The following FHOD3 variants were observed in gnomAD, a reference collection of about 807,000 sequenced individuals.
The protein encoded by FHOD3 is formin homology 2 domain containing 3, also known as FH1/FH2 domain-containing protein 3.
In FHOD3, 90 loss-of-function variants were observed where a neutral mutation model predicts 173.0. The ratio of observed to expected loss-of-function variants is 0.52; its 90% CI spans 0.44 to 0.62. The LOEUF (loss-of-function observed/expected upper bound fraction) is 0.62, where lower values mean the gene tolerates loss of function less well. Ranked by LOEUF, FHOD3 falls within the 20% of genes least tolerant of loss-of-function variation. FHOD3 has a pLI of 0.00. For missense variants in FHOD3, 1,945 were observed against 2,034.7 expected, an observed-to-expected ratio of 0.96 and a Z score of 0.85; for synonymous variants, 828 against 823.0, an observed-to-expected ratio of 1.01 and a Z score of -0.10.
At chr18:36,655,745 CCACACA>C (rs60138204) in intron 13 of FHOD3, among the ~76,000 whole-genome samples, 27,992 of 137,846 alleles carry the variant, frequency 0.2, 2,832 homozygotes, top group East Asian at 0.25. Flanking sequence ...CCCTCACCCT[CCACACA>C]CACACACACA....
intron 14 of FHOD3, among the ~76,000 whole-genome samples, chr18:36,662,799 G>A (rs2036901475): frequency 6.6e-6 from 1 of 152,130 alleles, no homozygotes; most frequent in Non-Finnish European, 1.5e-5. Context: ...TGTTATGTAG[G>A]AGAGCTCTGG....
intron 1 of FHOD3, among the ~76,000 whole-genome samples, chr18:36,335,773 A>C (rs2045277344): frequency 6.6e-6 from 1 of 152,150 alleles, no homozygotes; most frequent in South Asian, 2.1e-4. Context: ...AAGTGTGCAG[A>C]AACTTGGGTG....
At chr18:36,338,077 G>C (rs1034140105) in intron 1 of FHOD3, among the ~76,000 whole-genome samples, 3 of 152,216 alleles carry the variant, frequency 2.0e-5, no homozygotes, top group African/African-American at 7.2e-5. Flanking sequence ...CAATTACACT[G>C]CTGGTTTCAT....
At chr18:36,534,361 T>C (rs1157341483) in intron 5 of FHOD3, among the ~76,000 whole-genome samples, 1 of 151,982 alleles carries the variant, frequency 6.6e-6, no homozygotes, top group Non-Finnish European at 1.5e-5. Context: ...ACAGGGTGAG[T>C]CTGAGAGGAT....
Position 36,625,631 on chromosome 18 carries a change from A to G in FHOD3, c.1078A>G (p.Arg360Gly). The change falls in exon 10 of 29, where the codon AGA becomes GGA. Residue 360 changes from arginine to glycine, a missense_variant. Transcript: ENST00000590592. ...AGGCGAGCACCGGGGCCTGGACCGC[A>G]GAAGGAGCCGCAGGCACTCGGTGCA... ...GGGEHRGLDR[R>G]RSRRHSVQSI... 6.2e-7 allele frequency: 1 copy of G among 1,606,478 alleles called. No homozygotes were observed. The highest frequency in any genetic ancestry group is 8.5e-7 in the Non-Finnish European group (1 of 1,175,448).
At chr18:36,655,035 G>C (rs922504946) in intron 13 of FHOD3, among the ~76,000 whole-genome samples, 2 of 148,058 alleles carry the variant, frequency 1.4e-5, no homozygotes, top group African/African-American at 5.0e-5. Flanking sequence ...TGTGAACTGA[G>C]CTTCTTTTTT....
chr18:36,460,029 G>A (rs909126403), intron 3 of FHOD3, among the ~76,000 whole-genome samples: 8 of 152,250 alleles, frequency 5.3e-5, no homozygotes, highest in Non-Finnish European at 1.0e-4. Context: ...AGTGTCCCTC[G>A]ATTGTGATTT....
At chr18:36,616,210 T>A (rs1304533932) in intron 9 of FHOD3, among the ~76,000 whole-genome samples, 1 of 152,212 alleles carries the variant, frequency 6.6e-6, no homozygotes, top group Non-Finnish European at 1.5e-5. Context: ...GATATTTCCT[T>A]CCCTTAGCCC....
chr18:36,618,244 C>G (rs1599894455), intron 9 of FHOD3, among the ~76,000 whole-genome samples: 1 of 139,392 alleles, frequency 7.2e-6, no homozygotes, highest in Admixed American at 7.3e-5. Context: ...TAATTGATTT[C>G]TTTTCATCTT....
intron 18 of FHOD3, chr18:36,711,486 G>T (rs915554181): frequency 8.5e-5 from 13 of 152,164 alleles, no homozygotes; most frequent in African/African-American, 3.1e-4. Flanking sequence ...TTGCATAATT[G>T]TCCTTTGTCT....
chr18:36,382,109 C>T (rs1290971235), intron 3 of FHOD3, among the ~76,000 whole-genome samples: 4 of 152,168 alleles, frequency 2.6e-5, no homozygotes, highest in African/African-American at 7.2e-5. Context: ...TTTGAGATAG[C>T]GACCTGATGC....
chr18:36,556,380 A>G (rs1007608486), intron 5 of FHOD3, among the ~76,000 whole-genome samples: 1 of 152,182 alleles, frequency 6.6e-6, no homozygotes, highest in Non-Finnish European at 1.5e-5. Flanking sequence ...TGAAACCCAC[A>G]TGGAGAGAGG....
rs1035357717 is a variant in FHOD3 at position 36,652,782 on chromosome 18, C to A, written c.1499C>A (p.Ser500Tyr). Residue 500 changes from serine (S) to tyrosine (Y), a missense_variant, in exon 12 of 29, where the codon TCC (serine) becomes TAC (tyrosine). By Grantham distance (144) the Ser-to-Tyr change is moderately radical. Transcript: ENST00000590592. ...SPPASAARPS[S>Y]ATPGSLKVSP... ...CCTGCCTCAGCTGCTCGGCCCTCCTCCGCCACACCAGGCTCCCTGAAGGTG... is the reference window on the plus strand; with the variant it reads ...CCTGCCTCAGCTGCTCGGCCCTCCTACGCCACACCAGGCTCCCTGAAGGTG... 1 of 1,536,028 alleles carries A rather than the reference C, an allele frequency of 6.5e-7. No homozygotes were observed.
intron 3 of FHOD3, among the ~76,000 whole-genome samples, chr18:36,430,546 T>C (rs534990375): frequency 6.6e-6 from 1 of 152,360 alleles, no homozygotes; most frequent in East Asian, 1.9e-4. Flanking sequence ...TAAAAATGTT[T>C]AATTCCTGCA....
At chr18:36,545,970 TAG>T (rs2057394722) in intron 5 of FHOD3, among the ~76,000 whole-genome samples, 1 of 152,246 alleles carries the variant, frequency 6.6e-6, no homozygotes, top group South Asian at 2.1e-4. Context: ...ACTTCTTTCC[TAG>T]AGAGAACCCT....
chr18:36,670,270 A>G (rs2037444685), intron 14 of FHOD3, among the ~76,000 whole-genome samples: 1 of 152,074 alleles, frequency 6.6e-6, no homozygotes, highest in South Asian at 2.1e-4. Flanking sequence ...GTGTGTTTAC[A>G]GTTTTCATCA....
intron 20 of FHOD3, among the ~76,000 whole-genome samples, chr18:36,738,640 G>C (rs970240384): frequency 6.6e-6 from 1 of 152,144 alleles, no homozygotes. Flanking sequence ...ACTTGAGGTT[G>C]CTTTTTTTGC....
intron 20 of FHOD3, among the ~76,000 whole-genome samples, chr18:36,737,666 G>A (rs2150010180): frequency 6.6e-6 from 1 of 152,314 alleles, no homozygotes; most frequent in South Asian, 2.1e-4. Flanking sequence ...CTGCAATGCA[G>A]TTTTGCATCA....
At chr18:36,692,700 C>G (rs1262677354) in intron 16 of FHOD3, among the ~76,000 whole-genome samples, 1 of 152,156 alleles carries the variant, frequency 6.6e-6, no homozygotes. Flanking sequence ...AAAGTGAATT[C>G]CAGTTACATT....
Sources: gnomAD v4.1 joint callset for allele counts (sites outside exome capture counted in the v4.1 genomes callset) on GRCh38, gnomAD v4.1.1 for gene constraint, MANE v1.5 for transcripts, NCBI Gene and HGNC (gene_info 2026-07-23, HGNC 2026-07-21) for gene names.